KIF3C: variants seen among roughly 807,000 people sequenced by gnomAD.
KIF3C encodes the protein kinesin-like protein KIF3C.
A neutral mutation model predicts 67.7 loss-of-function variants in KIF3C; 12 were observed. The ratio of observed to expected loss-of-function variants is 0.18; its 90% CI spans 0.11 to 0.29. KIF3C has a LOEUF of 0.29. Among genes scored for constraint, KIF3C ranks in the 10% least tolerant of loss-of-function variants. KIF3C has a pLI of 1.00. For synonymous variants in KIF3C, 393 were observed against 426.2 expected (o/e 0.92, Z 0.96); for missense variants, 789 against 1,059.6 (o/e 0.74, Z 3.55).
intron 5 of KIF3C, among the ~76,000 whole-genome samples, chr2:25,931,555 C>T (rs941242170): frequency 1.3e-5 from 2 of 152,144 alleles, no homozygotes; most frequent in South Asian, 4.1e-4. Flanking sequence ...AATATTTCTT[C>T]ACTCCTGTTG....
intron 5 of KIF3C, among the ~76,000 whole-genome samples, chr2:25,940,548 C>A (rs111249246): frequency 6.7e-6 from 1 of 148,588 alleles, no homozygotes; most frequent in African/African-American, 2.5e-5. Context: ...CCAGCCTGGG[C>A]GACAGAGTGA....
intron 1 of KIF3C, among the ~76,000 whole-genome samples, chr2:25,961,753 G>A (rs1663948794): frequency 6.6e-6 from 1 of 152,068 alleles, no homozygotes; most frequent in Non-Finnish European, 1.5e-5. Flanking sequence ...TTCTCTTACT[G>A]CATCTCCAGA....
intron 1 of KIF3C, among the ~76,000 whole-genome samples, chr2:25,969,597 GCAATAA>G (rs1399666340): frequency 2.6e-5 from 4 of 152,016 alleles, no homozygotes; most frequent in Non-Finnish European, 5.9e-5. Context: ...AAAATCCCTA[GCAATAA>G]CCATTATTGC....
chr2:25,939,881 T>G (rs760003108), intron 5 of KIF3C, among the ~76,000 whole-genome samples: 1 of 151,804 alleles, frequency 6.6e-6, no homozygotes, highest in Admixed American at 6.6e-5. Context: ...ACCTGTGAGG[T>G]GGAGGTTGCA....
intron 5 of KIF3C, among the ~76,000 whole-genome samples, chr2:25,946,598 G>C (rs1484143618): frequency 2.0e-5 from 3 of 152,198 alleles, no homozygotes; most frequent in Non-Finnish European, 4.4e-5. Flanking sequence ...TGAGGCAGTA[G>C]AATCACTTGA....
intron 1 of KIF3C, among the ~76,000 whole-genome samples, chr2:25,957,908 G>A (rs1217394684): frequency 2.6e-5 from 4 of 152,146 alleles, no homozygotes; most frequent in Non-Finnish European, 4.4e-5. Flanking sequence ...AGCCGCCTGC[G>A]CTCCTGGTTA....
At chr2:25,965,641 C>T (rs903436948) in intron 1 of KIF3C, among the ~76,000 whole-genome samples, 7 of 151,740 alleles carry the variant, frequency 4.6e-5, no homozygotes, top group African/African-American at 1.5e-4. Context: ...GATCTCTATC[C>T]TTAACCATCA....
At position 25,932,581 on chromosome 2, in the gene KIF3C, C is replaced by G. The variant is rs543877726; in HGVS notation, c.2007-2518G>C. The stretch of plus-strand genomic sequence containing the variant: ...GGTGTGGTGGCTCATGCCTGTAATC[C>G]CAGCGCTTTGGGAGGCCGAGGCAGG... On this transcript the variant is annotated intron_variant, in intron 5 of 7. Transcript: ENST00000264712. 4.6e-3 allele frequency among the ~76,000 whole-genome samples: 690 copies of G among 151,396 alleles called. 9 individuals carry two copies. The highest frequency in any genetic ancestry group is 0.016 in the African/African-American group (665 of 41,318).
At chr2:25,978,055 C>T (rs1257642576) in intron 1 of KIF3C, among the ~76,000 whole-genome samples, 1 of 152,170 alleles carries the variant, frequency 6.6e-6, no homozygotes, top group African/African-American at 2.4e-5. Context: ...GGCTTCTCCT[C>T]CTCATTAGGT....
chr2:25,962,932 C>T lies in KIF3C; in HGVS notation c.1546-6488G>A, dbSNP rs12471373. Among the ~76,000 whole-genome samples the T allele has an allele frequency of 1.0e-2, 363 of 36,310 alleles. 9 individuals are homozygous for T. The highest frequency in any genetic ancestry group is 0.039 in the Admixed American group (74 of 1,876). The allele number at this position is 36,310 out of a possible 152,430, so 23.8% of individuals were successfully genotyped here. A position where few individuals can be genotyped will look rare whatever the true frequency, so the allele number is the denominator to read the frequency against. On this transcript the variant is annotated intron_variant, in intron 1 of 7. Coordinates refer to ENST00000264712, the MANE Select transcript of KIF3C (RefSeq NM_002254.8). The stretch of plus-strand genomic sequence containing the variant: ...TATATAATATATATAATATATAATA[C>T]ATATAATATATAATATATAATATAT...
At chr2:25,960,909 T>C (rs1293088987) in intron 1 of KIF3C, among the ~76,000 whole-genome samples, 4 of 152,132 alleles carry the variant, frequency 2.6e-5, no homozygotes, top group African/African-American at 7.2e-5. Context: ...GCACTTTAGC[T>C]TGGGCAACAG....
intron 4 of KIF3C, among the ~76,000 whole-genome samples, chr2:25,953,600 T>C (rs1020996581): frequency 5.3e-5 from 8 of 151,886 alleles, no homozygotes; most frequent in African/African-American, 1.9e-4. Flanking sequence ...GACCTCGTGA[T>C]CCACCTGCCT....
chr2:25,971,438 CAAAAAAAAAAAAG>C (rs1305117370), intron 1 of KIF3C, among the ~76,000 whole-genome samples: 1 of 132,486 alleles, frequency 7.5e-6, no homozygotes, highest in Admixed American at 7.8e-5. Flanking sequence ...GACTACATCT[CAAAAAAAAAAAAG>C]AAAAAGAAAA....
chr2:25,962,895 A>C (rs13011534), intron 1 of KIF3C, among the ~76,000 whole-genome samples: 1 of 51,888 alleles, frequency 1.9e-5, no homozygotes, highest in South Asian at 4.2e-4. Context: ...ATATAATATA[A>C]AATATATATA....
At chr2:25,971,366 G>A (rs575578318) in intron 1 of KIF3C, among the ~76,000 whole-genome samples, 2 of 151,924 alleles carry the variant, frequency 1.3e-5, no homozygotes, top group African/African-American at 4.8e-5. Flanking sequence ...CTTGAACCCG[G>A]GAGGCAGAGC....
chr2:25,975,520 C>T (rs995758301), intron 1 of KIF3C, among the ~76,000 whole-genome samples: 1 of 152,176 alleles, frequency 6.6e-6, no homozygotes, highest in Admixed American at 6.5e-5. Context: ...CAGTTCCCAA[C>T]CTGATATTCC....
At chr2:25,947,640 G>C (rs772518352) in intron 5 of KIF3C, among the ~76,000 whole-genome samples, 5 of 151,886 alleles carry the variant, frequency 3.3e-5, no homozygotes, top group Non-Finnish European at 4.4e-5. Flanking sequence ...GCTGTTTTAA[G>C]GTAGCTATTT....
chr2:25,979,510 G>A (rs182129224), intron 1 of KIF3C, among the ~76,000 whole-genome samples: 16 of 152,282 alleles, frequency 1.1e-4, no homozygotes, highest in African/African-American at 3.8e-4. Flanking sequence ...GTAAACTGAG[G>A]CCTGAGAAAA....
In KIF3C at chr2:25,981,344, C is replaced by T; in HGVS notation, c.574G>A (p.Glu192Lys). The change falls in exon 1 of 8, where the codon GAG becomes AAG. Residue 192 changes from glutamate to lysine, a missense_variant. Around this residue, in one of 2 missense-constraint regions of KIF3C, gnomAD observed 648 missense variants for 807.8 expected, o/e 0.80. Coordinates refer to ENST00000264712, the MANE Select transcript of KIF3C (RefSeq NM_002254.8). This position sits in a 1 kb window ranked among gnomAD's most constrained non-coding sequence, Gnocchi z 8.2. Reference sequence around the variant, plus strand: ...TGGTTCCCCAGGTTCATCACATGCTCAATCTCCTTGACATTCTTGGTGACG... The same window carrying T: ...TGGTTCCCCAGGTTCATCACATGCTTAATCTCCTTGACATTCTTGGTGACG... ...SFVTKNVKEI[E>K]HVMNLGNQTR... 6.2e-7 allele frequency: 1 copy of T among 1,614,112 alleles called. No homozygotes were observed. The highest frequency in any genetic ancestry group is 8.5e-7 in the Non-Finnish European group (1 of 1,180,000).
Sources: allele counts gnomAD v4.1 joint callset (sites outside exome capture counted in the v4.1 genomes callset), GRCh38; gene constraint gnomAD v4.1.1; regional missense constraint gnomAD v4.1.1; non-coding constraint Gnocchi (gnomAD v3.1); transcripts MANE v1.5; gene names NCBI Gene and HGNC (gene_info 2026-07-23, HGNC 2026-07-21).